CUX1: variants seen among roughly 807,000 people sequenced by gnomAD.
The protein encoded by CUX1 is protein CASP.
A neutral mutation model predicts 158.8 loss-of-function variants in CUX1; 31 were observed. The ratio of observed to expected loss-of-function variants is 0.20; its 90% CI spans 0.15 to 0.26. The LOEUF (loss-of-function observed/expected upper bound fraction) is 0.26, where lower values mean the gene tolerates loss of function less well. Ranked by LOEUF, CUX1 falls within the 10% of genes least tolerant of loss-of-function variation. The pLI, the probability that CUX1 is intolerant of heterozygous loss-of-function variation, is 1.00. For synonymous variants in CUX1, 879 were observed against 862.1 expected (o/e 1.02, Z -0.34); for missense variants, 1,589 against 2,014.6 (o/e 0.79, Z 4.04).
At chr7:102,275,212 T>C in intron 16 of CUX1, 1 of 1,529,294 alleles carries the variant, frequency 6.5e-7, no homozygotes, top group Non-Finnish European at 8.9e-7. Context: ...TTCCACCTCC[T>C]GCCACCCCCC....
chr7:102,042,454 A>G (rs891494463), intron 3 of CUX1, among the ~76,000 whole-genome samples: 15 of 152,218 alleles, frequency 9.9e-5, no homozygotes, highest in African/African-American at 3.6e-4. Flanking sequence ...TTAGATTGGC[A>G]TGTTAGAAGC....
chr7:101,967,352 C>T (rs1811359545), intron 2 of CUX1, among the ~76,000 whole-genome samples: 1 of 152,170 alleles, frequency 6.6e-6, no homozygotes, highest in Non-Finnish European at 1.5e-5. Context: ...GTGACTTAGC[C>T]AAGTGTCTTT....
At chr7:102,193,732 G>A in intron 12 of CUX1, 110 bp from the exon 13 acceptor site, 1 of 1,082,400 alleles carries the variant, frequency 9.2e-7, no homozygotes, top group Non-Finnish European at 1.4e-6. Context: ...TTGAACCTGG[G>A]CAGAGGTTGC....
intron 2 of CUX1, among the ~76,000 whole-genome samples, chr7:101,943,665 G>A (rs930048304): frequency 6.6e-5 from 10 of 151,168 alleles, no homozygotes; most frequent in Admixed American, 1.3e-4. Context: ...TCCCCTAATA[G>A]GATGAGTTTT....
At chr7:102,258,412 G>T (rs532451540), downstream of CUX1, among the ~76,000 whole-genome samples, 1 of 152,236 alleles carries the variant, frequency 6.6e-6, no homozygotes, top group South Asian at 2.1e-4. Context: ...GTGGTTCTAG[G>T]ATACATGGGG....
At chr7:102,094,462 G>A (rs1828973724) in intron 4 of CUX1, among the ~76,000 whole-genome samples, 1 of 152,196 alleles carries the variant, frequency 6.6e-6, no homozygotes, top group South Asian at 2.1e-4. Context: ...GTAAAGGTCT[G>A]GTTCCTCCTC....
intron 2 of CUX1, among the ~76,000 whole-genome samples, chr7:102,006,133 T>A (rs557529453): frequency 6.6e-6 from 1 of 152,282 alleles, no homozygotes; most frequent in East Asian, 1.9e-4. Context: ...TGCCTGGGGT[T>A]TCCCTTCAGA....
chr7:102,256,664 G>A lies in CUX1; in HGVS notation c.*7622G>A, dbSNP rs1348599971. On this transcript the variant is annotated 3_prime_UTR_variant, in exon 24 of 24. Coordinates refer to ENST00000292535, the MANE Select transcript of CUX1 (RefSeq NM_181552.4). ...GGAGTTGCTGAGTTGAAGAATGCTC[G>A]CTTGAGGAGCTTCAGAGGAATCTTA... 7 of 985,278 alleles carry A rather than the reference G, an allele frequency of 7.1e-6. No homozygotes were observed. The highest frequency in any genetic ancestry group is 7.2e-6 in the Non-Finnish European group (6 of 829,938). 61.0% of individuals were successfully genotyped at this position (985,278 alleles called of 1,614,324 possible). A position where few individuals can be genotyped will look rare whatever the true frequency, so the allele number is the denominator to read the frequency against.
rs556430066 is a variant in CUX1, at chr7:101,916,722, C to A, written c.141+497C>A. 2 of 154,690 alleles carry A rather than the reference C, an allele frequency of 1.3e-5. No homozygotes were observed. The highest frequency in any genetic ancestry group is 2.4e-5 in the African/African-American group (1 of 41,626). 9.6% of individuals were successfully genotyped at this position (154,690 alleles called of 1,614,324 possible). A position where few individuals can be genotyped will look rare whatever the true frequency, so the allele number is the denominator to read the frequency against. ...AAAACAGACATTTCGCCTGCTAGGC[C>A]TTTTAAATGCCTCTCTGTTTCTTGA... On this transcript the variant is annotated intron_variant, in intron 2 of 23. Transcript: ENST00000292535. This position sits in a 1 kb window ranked among gnomAD's most constrained non-coding sequence, Gnocchi z 4.4.
chr7:102,224,757 G>T (rs1554528071), intron 20 of CUX1, among the ~76,000 whole-genome samples: 1 of 152,186 alleles, frequency 6.6e-6, no homozygotes, highest in East Asian at 1.9e-4. Context: ...CAGCCTCTGA[G>T]TTTCGTGGTG....
chr7:102,205,881 G>C (rs1225238546), intron 20 of CUX1, among the ~76,000 whole-genome samples: 3 of 151,768 alleles, frequency 2.0e-5, no homozygotes, highest in Admixed American at 1.3e-4. Flanking sequence ...TCTCGTCTGC[G>C]CCCCCCCGCC....
At chr7:101,948,206 A>G (rs958090647) in intron 2 of CUX1, among the ~76,000 whole-genome samples, 2 of 152,240 alleles carry the variant, frequency 1.3e-5, no homozygotes, top group African/African-American at 2.4e-5. Flanking sequence ...CCAACTTTCC[A>G]TAGTAAAATT....
intron 2 of CUX1, among the ~76,000 whole-genome samples, chr7:101,982,760 T>C (rs1263379095): frequency 6.6e-6 from 1 of 151,964 alleles, no homozygotes; most frequent in African/African-American, 2.4e-5. Context: ...CTAGGATACA[T>C]GTGCACAACG....
At chr7:102,124,939 G>A (rs920781131) in intron 8 of CUX1, among the ~76,000 whole-genome samples, 1 of 151,902 alleles carries the variant, frequency 6.6e-6, no homozygotes, top group African/African-American at 2.4e-5. Context: ...AGGGCACCAC[G>A]CCCAGCTAAT....
At chr7:102,139,944 C>A (rs1227551174) in intron 8 of CUX1, among the ~76,000 whole-genome samples, 1 of 152,148 alleles carries the variant, frequency 6.6e-6, no homozygotes, top group Non-Finnish European at 1.5e-5. Flanking sequence ...CCTGGAATGA[C>A]AGGTCTAAGC....
chr7:102,055,781 C>A (rs575456544), intron 3 of CUX1, among the ~76,000 whole-genome samples: 2 of 152,164 alleles, frequency 1.3e-5, no homozygotes, highest in African/African-American at 4.8e-5. Flanking sequence ...GTGAGAAAGG[C>A]GTGTTGAAAG....
chr7:101,832,288 G>A (rs563202606), intron 1 of CUX1, among the ~76,000 whole-genome samples: 1 of 152,292 alleles, frequency 6.6e-6, no homozygotes, highest in Non-Finnish European at 1.5e-5. Context: ...ATGGGGCTGG[G>A]TGAGTGGCAT....
intron 2 of CUX1, among the ~76,000 whole-genome samples, chr7:101,942,682 T>G (rs1807855062): frequency 6.6e-6 from 1 of 152,172 alleles, no homozygotes; most frequent in Non-Finnish European, 1.5e-5. Context: ...CAGGCTGGTC[T>G]CAAACCACTC....
intron 20 of CUX1, among the ~76,000 whole-genome samples, chr7:102,225,204 G>A (rs1285106240): frequency 1.3e-5 from 2 of 152,148 alleles, no homozygotes; most frequent in African/African-American, 2.4e-5. Flanking sequence ...TTTGGCATGT[G>A]TTTTTCTCTT....
Sources: gnomAD v4.1 joint callset for allele counts (sites outside exome capture counted in the v4.1 genomes callset) on GRCh38, gnomAD v4.1.1 for gene constraint, Gnocchi (gnomAD v3.1) non-coding constraint, MANE v1.5 for transcripts, NCBI Gene and HGNC (gene_info 2026-07-23, HGNC 2026-07-21) for gene names.